Variants in IL31RA observed in about 807,000 individuals in gnomAD.
IL31RA encodes interleukin 31 receptor A, also known as interleukin-31 receptor subunit alpha.
A neutral mutation model predicts 83.7 loss-of-function variants in IL31RA; 66 were observed. The observed-to-expected ratio is 0.79, with a 90% CI of 0.65 to 0.97. The LOEUF is 0.97. Ranked by LOEUF, IL31RA falls within the 50% of genes least tolerant of loss-of-function variation. The pLI is 0.00. For missense variants in IL31RA, 798 were observed against 919.4 expected (o/e 0.87, Z 1.71); for synonymous variants, 325 against 329.0 (o/e 0.99, Z 0.13).
chr5:55,867,176 T>TGC (rs1746155213), intron 2 of IL31RA, among the ~76,000 whole-genome samples: 1 of 78,418 alleles, frequency 1.3e-5, no homozygotes. Flanking sequence ...TGCATGTGTG[T>TGC]GTGCATGTGT....
rs1359310157 is a variant in IL31RA at position 55,922,248 on chromosome 5, G to T, written c.*5128G>T. 6 of 713,222 alleles carry T rather than the reference G, an allele frequency of 8.4e-6. No homozygotes were observed. The East Asian group carries it at 1.4e-4, about 16-fold the overall frequency. 44.2% of individuals were successfully genotyped at this position (713,222 alleles called of 1,614,324 possible). On this transcript the variant is annotated 3_prime_UTR_variant, in exon 15 of 15. Coordinates refer to ENST00000652347, the MANE Select transcript of IL31RA (RefSeq NM_139017.7). Reference sequence around the variant, plus strand: ...TATGCAGGGCTGTGCTGCCCAAGACGCTTGTCGTGTGCTGATGAAAAGGGC... The same window carrying T: ...TATGCAGGGCTGTGCTGCCCAAGACTCTTGTCGTGTGCTGATGAAAAGGGC...
chr5:55,883,937 A>C (rs1199228387), intron 5 of IL31RA, among the ~76,000 whole-genome samples: 1 of 152,198 alleles, frequency 6.6e-6, no homozygotes, highest in Non-Finnish European at 1.5e-5. Context: ...CATGCTATAT[A>C]ATGCTGTAGT....
Position 55,868,877 on chromosome 5 carries a change from A to G in IL31RA, c.241A>G (p.Ser81Gly). The change falls in exon 3 of 15, where the codon AGT (serine) becomes GGT (glycine). Residue 81 changes from serine to glycine, a missense_variant. Coordinates refer to ENST00000652347, the MANE Select transcript of IL31RA (RefSeq NM_139017.7). Reference sequence around the variant, plus strand: ...CACTTGGAGTCCAGGAAAGGAAACCAGTTATACCCAGTACACAGTTAAGAG... The same window carrying G: ...CACTTGGAGTCCAGGAAAGGAAACCGGTTATACCCAGTACACAGTTAAGAG... Reference protein sequence around the residue: ...TCTWSPGKETSYTQYTVKRTY... With the variant: ...TCTWSPGKETGYTQYTVKRTY... The G allele has an allele frequency of 1.3e-6, 2 of 1,587,552 alleles. No homozygotes were observed. Among genetic ancestry groups the G allele is most frequent in the Non-Finnish European group, 1.7e-6 (2 of 1,155,842 alleles).
intron 6 of IL31RA, among the ~76,000 whole-genome samples, chr5:55,890,625 C>T (rs1747925450): frequency 1.3e-5 from 2 of 152,218 alleles, no homozygotes; most frequent in South Asian, 2.1e-4. Context: ...CCACCTTGAC[C>T]TCCCAAAGTG....
intron 8 of IL31RA, among the ~76,000 whole-genome samples, chr5:55,901,987 T>C (rs1277211857): frequency 6.6e-6 from 1 of 152,216 alleles, no homozygotes; most frequent in African/African-American, 2.4e-5. Context: ...TTAAAAATAT[T>C]ATAAAATACA....
At chr5:55,868,959 G>A in intron 3 of IL31RA, 51 bp downstream of exon 3, 2 of 988,118 alleles carry the variant, frequency 2.0e-6, no homozygotes, top group African/African-American at 1.6e-5. Context: ...GGAGGCAGAG[G>A]CTTCTGATTC....
intron 8 of IL31RA, 138 bp downstream of exon 8, chr5:55,900,270 G>C: frequency 1.4e-6 from 1 of 720,792 alleles, no homozygotes; most frequent in Non-Finnish European, 2.5e-6. Flanking sequence ...TTGTGGTGAA[G>C]CAATGAGAAT....
At chr5:55,847,244 A>AAAT (rs1554083151), upstream of IL31RA, among the ~76,000 whole-genome samples, 14 of 61,166 alleles carry the variant, frequency 2.3e-4, no homozygotes, top group Middle Eastern at 9.4e-3. Flanking sequence ...AAAAAAAATA[A>AAAT]AAATAAATAA....
chr5:55,860,316 C>A (rs984443252), intron 2 of IL31RA, among the ~76,000 whole-genome samples: 5 of 151,862 alleles, frequency 3.3e-5, no homozygotes, highest in African/African-American at 1.2e-4. Context: ...TTGCAGTGAG[C>A]CTAGATTGTG....
intron 3 of IL31RA, among the ~76,000 whole-genome samples, chr5:55,871,546 T>C (rs909265819): frequency 1.3e-5 from 2 of 152,212 alleles, no homozygotes; most frequent in African/African-American, 4.8e-5. Context: ...ATCTATCATC[T>C]ATCTATCTGT....
At chr5:55,912,187 A>T (rs1749536947) in intron 12 of IL31RA, among the ~76,000 whole-genome samples, 2 of 152,106 alleles carry the variant, frequency 1.3e-5, no homozygotes, top group Admixed American at 6.6e-5. Context: ...ATCCTCTATA[A>T]TCCATTTTCC....
At chr5:55,882,953 C>T in intron 4 of IL31RA, 91 bp from the exon 5 acceptor site, 1 of 1,173,888 alleles carries the variant, frequency 8.5e-7, no homozygotes, top group East Asian at 2.3e-5. Context: ...GACCACAATG[C>T]ACGTATCATT....
rs1276352540 is a variant in IL31RA, at chr5:55,868,832, T to C, written c.196T>C (p.Tyr66His). The change falls in exon 3 of 15, where the codon TAT (tyrosine) becomes CAT (histidine). Residue 66 changes from tyrosine to histidine, a missense_variant. Coordinates refer to ENST00000652347, the MANE Select transcript of IL31RA (RefSeq NM_139017.7). ...KPENISCVYY[Y>H]RKNLTCTWSP... ...TGAGAACATTTCCTGTGTCTACTACTATAGGAAAAATTTAACCTGCACTTG... is the reference window on the plus strand; with the variant it reads ...TGAGAACATTTCCTGTGTCTACTACCATAGGAAAAATTTAACCTGCACTTG... 6.2e-7 allele frequency: 1 copy of C among 1,610,484 alleles called. No individual in the cohort carries two copies. Among genetic ancestry groups the C allele is most frequent in the Non-Finnish European group, 8.5e-7 (1 of 1,176,740 alleles).
intron 4 of IL31RA, among the ~76,000 whole-genome samples, chr5:55,873,718 T>C (rs1746672502): frequency 6.6e-6 from 1 of 152,132 alleles, no homozygotes; most frequent in South Asian, 2.1e-4. Flanking sequence ...GAAATGCTTA[T>C]TCAAATCCTT....
rs550127094 is a variant in IL31RA, at chr5:55,922,448, C to T, written c.*5328C>T. On this transcript the variant is annotated 3_prime_UTR_variant, in exon 15 of 15. Coordinates refer to ENST00000652347, the MANE Select transcript of IL31RA (RefSeq NM_139017.7). ...TTCAATATAAGTGTGGACTAAAATG[C>T]GAGAAAGGTGTCCTGTGGTCTATGC... The T allele has an allele frequency of 1.5e-5, 23 of 1,547,836 alleles. No individual in the cohort carries two copies. The highest frequency in any genetic ancestry group is 1.2e-4 in the Admixed American group (6 of 50,988).
upstream of IL31RA, among the ~76,000 whole-genome samples, chr5:55,848,728 T>A (rs1208512767): frequency 1.3e-5 from 2 of 152,240 alleles, no homozygotes; most frequent in African/African-American, 4.8e-5. Flanking sequence ...GCTTTTACTA[T>A]GTTTTCCACT....
intron 2 of IL31RA, among the ~76,000 whole-genome samples, chr5:55,867,189 T>TTGTGTGTGCATG (rs1554085243): frequency 3.2e-5 from 1 of 31,240 alleles, no homozygotes; most frequent in African/African-American, 1.5e-4. Flanking sequence ...GCATGTGTGT[T>TTGTGTGTGCATG]TGTGTGTGTT....
intron 4 of IL31RA, among the ~76,000 whole-genome samples, chr5:55,882,614 G>A (rs1747311358): frequency 1.3e-5 from 2 of 152,120 alleles, no homozygotes; most frequent in Admixed American, 1.3e-4. Context: ...GAAATTTAAG[G>A]CTAAAATGTT....
At chr5:55,908,436 A>G (rs1326290020) in intron 11 of IL31RA, 25 bp downstream of exon 11, 1 of 1,614,072 alleles carries the variant, frequency 6.2e-7, no homozygotes, top group African/African-American at 1.3e-5. Flanking sequence ...AGCGAAGTGG[A>G]AAAAAACCCC....
Sources: gnomAD v4.1 joint callset for allele counts (sites outside exome capture counted in the v4.1 genomes callset) on GRCh38, gnomAD v4.1.1 for gene constraint, MANE v1.5 for transcripts, NCBI Gene and HGNC (gene_info 2026-07-23, HGNC 2026-07-21) for gene names.